ABLIM2: variants seen among roughly 807,000 people sequenced by gnomAD.
ABLIM2 encodes the protein actin-binding LIM protein 2.
Under a neutral mutation model 97.7 loss-of-function variants are expected in ABLIM2, and 53 were observed. That is an observed-to-expected ratio of 0.54 (90% CI 0.44 to 0.68). The LOEUF (loss-of-function observed/expected upper bound fraction) is 0.68, where lower values mean the gene tolerates loss of function less well. Among genes scored for constraint, ABLIM2 ranks in the 30% least tolerant of loss-of-function variants. ABLIM2 has a pLI of 0.00. For missense variants in ABLIM2, 835 were observed against 867.2 expected (o/e 0.96, Z 0.47); for synonymous variants, 361 against 345.8 (o/e 1.04, Z -0.49).
chr4:8,029,334 T>C (rs1278131958), intron 11 of ABLIM2, among the ~76,000 whole-genome samples: 3 of 152,148 alleles, frequency 2.0e-5, no homozygotes, highest in African/African-American at 7.2e-5. Context: ...TCCTGACGTC[T>C]CTTGCCACCC....
Position 8,032,663 on chromosome 4 carries a change from C to A in ABLIM2, c.1048-2887G>T, listed in dbSNP as rs776185993. 1.2e-5 allele frequency: 20 copies of A among 1,612,414 alleles called. 1 individual carries two copies. Among genetic ancestry groups the A allele is most frequent in the Admixed American group, 1.7e-5 (1 of 59,982 alleles). ...TGGTGGTTACCTCGGTCGGCGTTGG[C>A]GAGAGCAACTGAGGGGACTGTGGAC... On this transcript the variant is annotated intron_variant, in intron 10 of 20. Coordinates refer to ENST00000447017, the MANE Select transcript of ABLIM2 (RefSeq NM_001130083.2). The surrounding 1 kb of genome is among the most constrained non-coding windows in gnomAD (Gnocchi z 4.3).
At chr4:8,114,041 A>G (rs952440513) in intron 1 of ABLIM2, among the ~76,000 whole-genome samples, 1 of 152,200 alleles carries the variant, frequency 6.6e-6, no homozygotes, top group Non-Finnish European at 1.5e-5. Context: ...GCAAGCACAC[A>G]TCACAGTGCT....
At chr4:8,089,069 C>T (rs1474008200) in intron 3 of ABLIM2, among the ~76,000 whole-genome samples, 1 of 152,190 alleles carries the variant, frequency 6.6e-6, no homozygotes, top group Non-Finnish European at 1.5e-5. Context: ...TTTAAAGTAT[C>T]GCATTAAAAT....
intron 14 of ABLIM2, among the ~76,000 whole-genome samples, chr4:8,012,723 TACTC>T (rs987687986): frequency 6.6e-6 from 1 of 150,944 alleles, no homozygotes; most frequent in Non-Finnish European, 1.5e-5. Context: ...TCCACTTATC[TACTC>T]ACTCACCTAC....
rs532725307 is a variant in ABLIM2, at chr4:8,075,304, C to T, written c.675+2324G>A. Among the ~76,000 whole-genome samples, 9 of 152,150 alleles carry T rather than the reference C, an allele frequency of 5.9e-5. No homozygotes were observed. In the South Asian group the frequency reaches 1.9e-3, roughly 32 times the overall value. Reference sequence around the variant, plus strand: ...GAGGGCTTGCGGGTACGGGGAGTGACAGCTAAAAGGTATGGGGTTCTTTCT... The same window carrying T: ...GAGGGCTTGCGGGTACGGGGAGTGATAGCTAAAAGGTATGGGGTTCTTTCT... On this transcript the variant is annotated intron_variant, in intron 6 of 20. Coordinates refer to ENST00000447017, the MANE Select transcript of ABLIM2 (RefSeq NM_001130083.2). The surrounding 1 kb of genome is among the most constrained non-coding windows in gnomAD (Gnocchi z 4.4).
rs760593708 is a variant in ABLIM2 at position 7,974,161 on chromosome 4, ATCTG to A, written c.1825-7062_1825-7059del. On this transcript the variant is annotated intron_variant, in intron 20 of 20. Transcript: ENST00000447017. ...AATTTCTTAGTATATGGCTGTGGCT[ATCTG>A]TCTGTCTGTCTATCTATCTATCTAT... Among the ~76,000 whole-genome samples the A allele has an allele frequency of 9.5e-4, 144 of 152,274 alleles. 5 individuals are homozygous for A. The highest frequency in any genetic ancestry group is 3.4e-3 in the Middle Eastern group (1 of 294).
In ABLIM2 at chr4:8,128,214, C is replaced by A. The variant is rs985379374; in HGVS notation, c.11-21577G>T. Among the ~76,000 whole-genome samples, 1 of 152,204 alleles carries A rather than the reference C, an allele frequency of 6.6e-6. No homozygotes were observed. The highest frequency in any genetic ancestry group is 2.4e-5 in the African/African-American group (1 of 41,450). ...TGTCTCTGCGTGTCCTTTTTAGTCT[C>A]TTATGAGGACACCAGTCACTGCATT... is the stretch of plus-strand genomic sequence containing the variant. On this transcript the variant is annotated intron_variant, in intron 1 of 20. Transcript: ENST00000447017. The surrounding 1 kb of genome is among the most constrained non-coding windows in gnomAD (Gnocchi z 4.9).
Position 8,155,426 on chromosome 4 carries a change from C to A in ABLIM2, c.10+3254G>T, listed in dbSNP as rs1714986259. 6.6e-6 allele frequency among the ~76,000 whole-genome samples: 1 copy of A among 152,172 alleles called. No individual in the cohort carries two copies. ...GCCCTGGACAGCTGCTTTTCCTTCC[C>A]TAAACCTTGGTTTCCCCCTTTGTGC... On this transcript the variant is annotated intron_variant, in intron 1 of 20. Transcript: ENST00000447017. This position sits in a 1 kb window ranked among gnomAD's most constrained non-coding sequence, Gnocchi z 4.2.
Position 8,127,847 on chromosome 4 carries a change from G to A in ABLIM2, c.11-21210C>T, listed in dbSNP as rs1487703601. 5.9e-5 allele frequency among the ~76,000 whole-genome samples: 9 copies of A among 152,034 alleles called. No individual in the cohort carries two copies. The highest frequency in any genetic ancestry group is 4.6e-4 in the Admixed American group (7 of 15,268). On this transcript the variant is annotated intron_variant, in intron 1 of 20. Transcript: ENST00000447017. This position sits in a 1 kb window ranked among gnomAD's most constrained non-coding sequence, Gnocchi z 7.3. ...GGAAAGGGGCTCTGAAAAGGCACTC[G>A]GGGTGGGGGAGGAGTGGTGGGGGTG...
In ABLIM2 at chr4:8,125,295, G is replaced by A. The variant is rs774027953; in HGVS notation, c.11-18658C>T. Among the ~76,000 whole-genome samples the A allele has an allele frequency of 5.9e-5, 9 of 152,146 alleles. No homozygotes were observed. Among genetic ancestry groups the A allele is most frequent in the South Asian group, 2.1e-4 (1 of 4,828 alleles). On this transcript the variant is annotated intron_variant, in intron 1 of 20. Transcript: ENST00000447017. This position sits in a 1 kb window ranked among gnomAD's most constrained non-coding sequence, Gnocchi z 6.2. ...CTAAGAAACCATCGCCTGATCCACC[G>A]TCATGAAGATGCGCTTCTGAGTGTT...
chr4:8,128,673 G>A lies in ABLIM2; in HGVS notation c.11-22036C>T, dbSNP rs755764647. ...CCAAGGCCACTGCCGTGGATTGAAT[G>A]TGGTGTCCCCTCCCCAGACTCACAT... On this transcript the variant is annotated intron_variant, in intron 1 of 20. Coordinates refer to ENST00000447017, the MANE Select transcript of ABLIM2 (RefSeq NM_001130083.2). The surrounding 1 kb of genome is among the most constrained non-coding windows in gnomAD (Gnocchi z 4.9). Among the ~76,000 whole-genome samples the A allele has an allele frequency of 2.6e-4, 40 of 152,306 alleles. No homozygotes were observed. The highest frequency in any genetic ancestry group is 1.7e-3 in the East Asian group (9 of 5,180).
At chr4:8,057,693 C>T (rs1031694514) in intron 7 of ABLIM2, among the ~76,000 whole-genome samples, 8 of 152,198 alleles carry the variant, frequency 5.3e-5, no homozygotes, top group East Asian at 1.9e-4. Flanking sequence ...GGATCTAATG[C>T]CCCACCCCAT....
At chr4:8,158,259 C>A (rs1716047528) in intron 1 of ABLIM2, among the ~76,000 whole-genome samples, 1 of 152,244 alleles carries the variant, frequency 6.6e-6, no homozygotes, top group South Asian at 2.1e-4. Flanking sequence ...AGGGCGGCGC[C>A]CCCAGCTGCA....
At chr4:8,064,872 A>C (rs1805993648) in intron 6 of ABLIM2, among the ~76,000 whole-genome samples, 2 of 152,150 alleles carry the variant, frequency 1.3e-5, no homozygotes, top group African/African-American at 4.8e-5. Flanking sequence ...GGTATAATTC[A>C]CGCACCCCTC....
rs1210350396 is a variant in ABLIM2 at position 8,072,696 on chromosome 4, T to C, written c.675+4932A>G. ...TCTCAGTGGCTGATGGCCGGGCACGTGGGTGGATCCAGCTGGACGCCCAGG... is the reference window on the plus strand; with the variant it reads ...TCTCAGTGGCTGATGGCCGGGCACGCGGGTGGATCCAGCTGGACGCCCAGG... On this transcript the variant is annotated intron_variant, in intron 6 of 20. Coordinates refer to ENST00000447017, the MANE Select transcript of ABLIM2 (RefSeq NM_001130083.2). This position sits in a 1 kb window ranked among gnomAD's most constrained non-coding sequence, Gnocchi z 5.8. Among the ~76,000 whole-genome samples the C allele has an allele frequency of 6.6e-6, 1 of 152,182 alleles. No homozygotes were observed. Among genetic ancestry groups the C allele is most frequent in the Admixed American group, 6.5e-5 (1 of 15,274 alleles).
chr4:8,110,545 C>T (rs1160312060), intron 1 of ABLIM2, among the ~76,000 whole-genome samples: 4 of 152,020 alleles, frequency 2.6e-5, no homozygotes, highest in Admixed American at 2.0e-4. Flanking sequence ...CCCATAGCAA[C>T]CAACCCAGCA....
chr4:8,086,564 C>T (rs1047171947), intron 4 of ABLIM2, among the ~76,000 whole-genome samples: 5 of 152,014 alleles, frequency 3.3e-5, no homozygotes, highest in African/African-American at 9.7e-5. Flanking sequence ...AGGCTGGTCT[C>T]GGACTCCTGG....
At chr4:8,027,705 C>G in intron 12 of ABLIM2, 54 bp downstream of exon 12, 3 of 1,390,532 alleles carry the variant, frequency 2.2e-6, no homozygotes, top group Non-Finnish European at 2.9e-6. Flanking sequence ...AGCACACAGA[C>G]GCCGGGCGTG....
chr4:8,152,381 G>C (rs956804212), intron 1 of ABLIM2, among the ~76,000 whole-genome samples: 4 of 151,072 alleles, frequency 2.6e-5, no homozygotes, highest in Admixed American at 2.0e-4. Flanking sequence ...TCCTCCGTAG[G>C]TAGAGATGCC....
Sources: gnomAD v4.1 joint callset for allele counts (sites outside exome capture counted in the v4.1 genomes callset) on GRCh38, gnomAD v4.1.1 for gene constraint, Gnocchi (gnomAD v3.1) non-coding constraint, MANE v1.5 for transcripts, NCBI Gene and HGNC (gene_info 2026-07-23, HGNC 2026-07-21) for gene names.